Variants in CMYA5 observed in about 807,000 individuals in gnomAD.
CMYA5 encodes cardiomyopathy-associated protein 5.
A neutral mutation model predicts 318.9 loss-of-function variants in CMYA5; 246 were observed. The ratio of observed to expected loss-of-function variants is 0.77; its 90% confidence interval spans 0.70 to 0.86. CMYA5 has a LOEUF of 0.86. CMYA5 is among the 40% of genes least tolerant of loss of function. The pLI is 0.00. For synonymous variants in CMYA5, 1,641 were observed against 1,729.5 expected (o/e 0.95, Z 1.27); for missense variants, 4,589 against 4,678.2 (o/e 0.98, Z 0.56).
intron 1 of CMYA5, among the ~76,000 whole-genome samples, chr5:79,714,615 T>C (rs1326421318): frequency 6.6e-6 from 1 of 151,872 alleles, no homozygotes; most frequent in African/African-American, 2.4e-5. Flanking sequence ...TTTTTAGAAT[T>C]TTTTTGTAGT....
At chr5:79,696,939 G>A (rs1163180943) in intron 1 of CMYA5, among the ~76,000 whole-genome samples, 2 of 152,068 alleles carry the variant, frequency 1.3e-5, no homozygotes, top group Admixed American at 6.5e-5. Context: ...CCCGGGAGGC[G>A]GAGGTTGCAG....
intron 1 of CMYA5, among the ~76,000 whole-genome samples, chr5:79,725,283 A>G (rs1237097515): frequency 6.6e-6 from 1 of 152,374 alleles, no homozygotes; most frequent in South Asian, 2.1e-4. Flanking sequence ...CTATGCAGCC[A>G]TAAATAAGAA....
chr5:79,717,968 A>C (rs1212161270), intron 1 of CMYA5, among the ~76,000 whole-genome samples: 1 of 46,188 alleles, frequency 2.2e-5, no homozygotes, highest in Admixed American at 1.7e-4. Flanking sequence ...GGCTCACTGC[A>C]AGCTCCGCCT....
At chr5:79,775,141 C>G (rs1261993318) in intron 9 of CMYA5, among the ~76,000 whole-genome samples, 1 of 152,224 alleles carries the variant, frequency 6.6e-6, no homozygotes, top group East Asian at 1.9e-4. Context: ...TCATATCCCT[C>G]TGTAGGGAGC....
rs1419337224 is a variant in CMYA5 at position 79,735,760 on chromosome 5, C to G, written c.6995C>G (p.Ala2332Gly). Residue 2332 changes from alanine to glycine, a missense_variant, in exon 2 of 13, where the codon GCC (alanine) becomes GGC (glycine). By Grantham distance (60) the Ala-to-Gly change is moderately conservative. Transcript: ENST00000446378. ...LIGEKLVMEEAKTIVPPHVTD... is the reference protein window; with the variant it reads ...LIGEKLVMEEGKTIVPPHVTD... ...GGTGAGAAATTGGTTATGGAAGAAG[C>G]CAAAACTATTGTTCCTCCTCATGTT... 3 of 1,575,834 alleles carry G rather than the reference C, an allele frequency of 1.9e-6. No individual in the cohort carries two copies. The highest frequency in any genetic ancestry group is 4.5e-5 in the East Asian group (2 of 44,768).
At chr5:79,725,490 T>TA (rs1827729309) in intron 1 of CMYA5, among the ~76,000 whole-genome samples, 1 of 152,084 alleles carries the variant, frequency 6.6e-6, no homozygotes. Context: ...GGGTAAGAGC[T>TA]AAAAAACACA....
At chr5:79,792,025 A>G (rs575065892) in intron 11 of CMYA5, among the ~76,000 whole-genome samples, 1 of 152,350 alleles carries the variant, frequency 6.6e-6, no homozygotes, top group African/African-American at 2.4e-5. Flanking sequence ...GGTGCTCCCA[A>G]GAAGGCACTG....
rs1464370908 is a variant in CMYA5, at chr5:79,735,586, A to G, written c.6821A>G (p.Asp2274Gly). Residue 2274 changes from aspartate to glycine, a missense_variant, in exon 2 of 13, where the codon GAT becomes GGT. Physicochemically the swap from Asp to Gly is moderately conservative, Grantham distance 94. Coordinates refer to ENST00000446378, the MANE Select transcript of CMYA5 (RefSeq NM_153610.5). ...EKSMILSNVE[D>G]LQQPKFISEV... The stretch of plus-strand genomic sequence containing the variant: ...TCCATGATTTTATCAAATGTAGAAG[A>G]TTTACAACAGCCAAAATTCATTTCT... 4 of 1,613,304 alleles carry G rather than the reference A, an allele frequency of 2.5e-6. No homozygotes were observed. In the African/African-American group the frequency reaches 5.3e-5, roughly 22 times the overall value.
chr5:79,752,746 TATG>T lies in CMYA5; in HGVS notation c.11067_11069del (p.Asp3690del). 3 of 1,613,780 alleles carry T rather than the reference TATG, an allele frequency of 1.9e-6. No individual in the cohort carries two copies. The highest frequency in any genetic ancestry group is 2.5e-6 in the Non-Finnish European group (3 of 1,179,714). ...TGCTGCGTTTTCCCTTTTCGAACAT[TATG>T]ATGACAGCTCGGCAAGAAGTGACCA... On this transcript the variant is annotated inframe_deletion, in exon 6 of 13. Coordinates refer to ENST00000446378, the MANE Select transcript of CMYA5 (RefSeq NM_153610.5).
At chr5:79,778,844 T>TGTGTGTGTGTGTGTGTA (rs1828996828) in intron 9 of CMYA5, among the ~76,000 whole-genome samples, 1 of 122,372 alleles carries the variant, frequency 8.2e-6, no homozygotes, top group African/African-American at 3.5e-5. Context: ...TGTATGTTTA[T>TGTGTGTGTGTGTGTGTA]TCACTCATGT....
chr5:79,715,098 G>A (rs1228825029), intron 1 of CMYA5, among the ~76,000 whole-genome samples: 1 of 152,072 alleles, frequency 6.6e-6, no homozygotes, highest in Non-Finnish European at 1.5e-5. Flanking sequence ...AATGAATTAT[G>A]TATGTGTATA....
chr5:79,751,739 T>C (rs1228689404), intron 5 of CMYA5, among the ~76,000 whole-genome samples: 42 of 152,178 alleles, frequency 2.8e-4, no homozygotes, highest in Non-Finnish European at 1.5e-5. Flanking sequence ...ATAAACGGTA[T>C]TCTGGTGAAG....
chr5:79,731,413 C>A lies in CMYA5; in HGVS notation c.2648C>A (p.Ser883Ter), dbSNP rs779638059. 1 of 1,613,664 alleles carries A rather than the reference C, an allele frequency of 6.2e-7. No homozygotes were observed. The highest frequency in any genetic ancestry group is 2.2e-5 in the East Asian group (1 of 44,884). The change falls in exon 2 of 13, where the codon TCA becomes TAA. Residue 883 changes from serine (S) to a stop codon, truncating the protein, a stop_gained. Transcript: ENST00000446378. LOFTEE classifies it high-confidence loss of function. ...ACCCCATCTGAATATGTTGTTCTAT[C>A]AGACGAAGAGGCAGTCGAGTTGGAA... is the stretch of plus-strand genomic sequence containing the variant. The part of the protein sequence containing the change: ...SATPSEYVVL[S>*]DEEAVELERY...
chr5:79,736,389 G>C lies in CMYA5; in HGVS notation c.7624G>C (p.Glu2542Gln). ...TGAAAAGGAGAAAGGTGAAGAAAAA[G>C]AAAATCAGGTATATGTGCTTTCAGA... ...GSEKEKGEEK[E>Q]NQVYVLSEGK... The change falls in exon 2 of 13, where the codon GAA (glutamate) becomes CAA (glutamine). Residue 2542 changes from glutamate to glutamine, a missense_variant. This residue lies in a region of CMYA5 where 2,431 missense variants were observed against 2,495.1 expected (regional missense o/e 0.97). Coordinates refer to ENST00000446378, the MANE Select transcript of CMYA5 (RefSeq NM_153610.5). The C allele has an allele frequency of 2.5e-6, 4 of 1,611,978 alleles. No individual in the cohort carries two copies. The highest frequency in any genetic ancestry group is 3.4e-6 in the Non-Finnish European group (4 of 1,178,932).
rs1828153086 is a variant in CMYA5 at position 79,738,985 on chromosome 5, C to T, written c.10220C>T (p.Pro3407Leu). The T allele has an allele frequency of 6.2e-7, 1 of 1,613,800 alleles. No individual in the cohort carries two copies. The highest frequency in any genetic ancestry group is 1.1e-5 in the South Asian group (1 of 91,066). ...EEPKILVPPE[P>L]SEERLRNSPV... ...CCTAAAATCCTGGTCCCACCTGAGC[C>T]AAGTGAAGAGAGGCTCCGTAATAGC... Residue 3407 changes from proline to leucine, a missense_variant, in exon 2 of 13, where the codon CCA (proline) becomes CTA (leucine). Around this residue, in one of 3 missense-constraint regions of CMYA5, gnomAD observed 2,431 missense variants for 2,495.1 expected, o/e 0.97. Coordinates refer to ENST00000446378, the MANE Select transcript of CMYA5 (RefSeq NM_153610.5).
At chr5:79,743,111 A>G (rs1010862339) in intron 2 of CMYA5, among the ~76,000 whole-genome samples, 1 of 152,220 alleles carries the variant, frequency 6.6e-6, no homozygotes, top group Non-Finnish European at 1.5e-5. Context: ...GCCTCCATCA[A>G]TGTTGTATCT....
intron 1 of CMYA5, among the ~76,000 whole-genome samples, chr5:79,705,141 G>A (rs964883059): frequency 4.6e-5 from 7 of 152,060 alleles, no homozygotes; most frequent in Admixed American, 1.3e-4. Flanking sequence ...GCGTGGTGGC[G>A]CACGCCTGTA....
At chr5:79,748,520 C>CCTATCTAT (rs5869002) in intron 5 of CMYA5, among the ~76,000 whole-genome samples, 2,227 of 149,190 alleles carry the variant, frequency 0.015, 19 homozygotes, top group Admixed American at 0.035. Context: ...TATCTATCTA[C>CCTATCTAT]CTATCTATCT....
chr5:79,730,231 T>C lies in CMYA5; in HGVS notation c.1466T>C (p.Leu489Pro), dbSNP rs1338031067. Residue 489 changes from leucine to proline, a missense_variant, in exon 2 of 13, where the codon CTT becomes CCT. Leu to Pro is a moderately conservative substitution (Grantham distance 98). Transcript: ENST00000446378. ...SVKGEKEENM[L>P]EPSISLSEPL... is the part of the protein sequence containing the mutation. Reference sequence around the variant, plus strand: ...AAAGGAGAGAAGGAGGAAAACATGCTTGAGCCATCCATTTCTCTTTCTGAA... The same window carrying C: ...AAAGGAGAGAAGGAGGAAAACATGCCTGAGCCATCCATTTCTCTTTCTGAA... 2.5e-6 allele frequency: 4 copies of C among 1,613,826 alleles called. No individual in the cohort carries two copies. In the African/African-American group the frequency reaches 5.3e-5, roughly 22 times the overall value.
Sources: gnomAD v4.1 joint callset for allele counts (sites outside exome capture counted in the v4.1 genomes callset) on GRCh38, gnomAD v4.1.1 for gene constraint, gnomAD v4.1.1 regional missense constraint, MANE v1.5 for transcripts, NCBI Gene and HGNC (gene_info 2026-07-23, HGNC 2026-07-21) for gene names.